The following TMEM132C variants were observed in gnomAD, a reference collection of about 807,000 sequenced individuals.
The protein encoded by TMEM132C is transmembrane protein 132C.
In TMEM132C, 29 loss-of-function variants were observed where a neutral mutation model predicts 61.4. The ratio of observed to expected loss-of-function variants is 0.47; its 90% CI spans 0.35 to 0.64. TMEM132C has a LOEUF of 0.64. TMEM132C is among the 30% of genes least tolerant of loss of function. TMEM132C has a pLI of 0.00. For missense variants in TMEM132C, 1,408 were observed against 1,476.9 expected, an observed-to-expected ratio of 0.95 and a Z score of 0.76; for synonymous variants, 656 against 633.1, an observed-to-expected ratio of 1.04 and a Z score of -0.54.
chr12:128,622,119 G>T (rs964854781), intron 4 of TMEM132C, among the ~76,000 whole-genome samples: 3 of 151,686 alleles, frequency 2.0e-5, no homozygotes, highest in African/African-American at 7.3e-5. Context: ...TGAGGTGGGC[G>T]AATCAACTGA....
intron 1 of TMEM132C, among the ~76,000 whole-genome samples, chr12:128,271,267 TATAATAATAATAATAATAATA>T (rs72149112): frequency 1.3e-4 from 19 of 143,036 alleles, no homozygotes; most frequent in African/African-American, 4.3e-4. Flanking sequence ...ATAATAATAA[TATAATAATAATAATAATAATA>T]ATAATAATAA....
chr12:128,360,049 C>G (rs1025882602), intron 1 of TMEM132C, among the ~76,000 whole-genome samples: 1 of 152,004 alleles, frequency 6.6e-6, no homozygotes, highest in Non-Finnish European at 1.5e-5. Flanking sequence ...GAGGTTGTGC[C>G]TGCATTTTGT....
At chr12:128,364,236 C>T (rs1367929854) in intron 1 of TMEM132C, among the ~76,000 whole-genome samples, 2 of 149,870 alleles carry the variant, frequency 1.3e-5, no homozygotes, top group Admixed American at 1.3e-4. Context: ...TTTCTTCCTC[C>T]TTCTCCTCCT....
chr12:128,440,295 G>C (rs1029603668), intron 2 of TMEM132C, among the ~76,000 whole-genome samples: 1 of 152,196 alleles, frequency 6.6e-6, no homozygotes, highest in Non-Finnish European at 1.5e-5. Context: ...TGCTCTTTTA[G>C]TTGTAGTTCT....
At chr12:128,647,300 A>G (rs947489076) in intron 4 of TMEM132C, among the ~76,000 whole-genome samples, 23 of 150,960 alleles carry the variant, frequency 1.5e-4, no homozygotes, top group Non-Finnish European at 2.8e-4. Flanking sequence ...GGAGCCCATC[A>G]GCATTGGATG....
chr12:128,653,953 G>GTGACACCAGCCCTTTCTACTCTGCTGTGT (rs1433794839), intron 4 of TMEM132C, among the ~76,000 whole-genome samples: 1 of 152,172 alleles, frequency 6.6e-6, no homozygotes, highest in Non-Finnish European at 1.5e-5. Context: ...CCCTCCTGTG[G>GTGACACCAGCCCTTTCTACTCTGCTGTGT]TGACACCAGC....
intron 2 of TMEM132C, among the ~76,000 whole-genome samples, chr12:128,532,266 A>G (rs1412014035): frequency 6.6e-6 from 1 of 152,160 alleles, no homozygotes; most frequent in African/African-American, 2.4e-5. Flanking sequence ...ATGAGGAGCT[A>G]TGTATGACTA....
intron 3 of TMEM132C, among the ~76,000 whole-genome samples, chr12:128,573,103 T>C (rs527608956): frequency 6.9e-4 from 105 of 152,342 alleles, no homozygotes; most frequent in Non-Finnish European, 1.1e-3. Flanking sequence ...CATTACTGGG[T>C]ATATACCCAA....
chr12:128,525,195 G>T lies in TMEM132C; in HGVS notation c.975-18762G>T, dbSNP rs181197378. Among the ~76,000 whole-genome samples, 648 of 152,296 alleles carry T rather than the reference G, an allele frequency of 4.3e-3. 5 individuals carry two copies. Among genetic ancestry groups the T allele is most frequent in the African/African-American group, 0.015 (610 of 41,576 alleles). On this transcript the variant is annotated intron_variant, in intron 2 of 8. Transcript: ENST00000435159. ...GATTGGTCTAATTCCAATCTGTTGT[G>T]ATAGGCAAGGCCTTTCCAAGCACTC...
rs1469134195 is a variant in TMEM132C, at chr12:128,630,269, C to T, written c.1305+13934C>T. On this transcript the variant is annotated intron_variant, in intron 4 of 8. Transcript: ENST00000435159. This position sits in a 1 kb window ranked among gnomAD's most constrained non-coding sequence, Gnocchi z 4.3. ...CCTGGGTCCAGGGTTGCCACACTGACGGCCCATGAGGGTCACTAGGGGGCA... is the reference window on the plus strand; with the variant it reads ...CCTGGGTCCAGGGTTGCCACACTGATGGCCCATGAGGGTCACTAGGGGGCA... Among the ~76,000 whole-genome samples the T allele has an allele frequency of 2.6e-5, 4 of 152,148 alleles. No individual in the cohort carries two copies. Among genetic ancestry groups the T allele is most frequent in the South Asian group, 2.1e-4 (1 of 4,834 alleles).
chr12:128,396,226 A>G (rs762483112), intron 1 of TMEM132C, among the ~76,000 whole-genome samples: 10 of 152,200 alleles, frequency 6.6e-5, no homozygotes, highest in East Asian at 1.9e-4. Context: ...TTTTCACCCA[A>G]TAACACTTCT....
chr12:128,662,222 G>A (rs1954398488), intron 4 of TMEM132C, among the ~76,000 whole-genome samples: 3 of 152,146 alleles, frequency 2.0e-5, no homozygotes, highest in Admixed American at 1.3e-4. Flanking sequence ...AATTTTCAGA[G>A]AGAAAGAGAG....
At chr12:128,527,368 A>G (rs1458185) in intron 2 of TMEM132C, among the ~76,000 whole-genome samples, 145,897 of 152,260 alleles carry the variant, frequency 0.96, 70,200 homozygotes, top group East Asian at 1. Flanking sequence ...GGGGAAAGCA[A>G]CACTAGTGAG....
intron 3 of TMEM132C, among the ~76,000 whole-genome samples, chr12:128,603,441 G>A (rs972953100): frequency 2.0e-5 from 3 of 152,152 alleles, no homozygotes; most frequent in African/African-American, 7.2e-5. Flanking sequence ...CAGGAAACTG[G>A]CTCAAAGTGA....
intron 2 of TMEM132C, among the ~76,000 whole-genome samples, chr12:128,431,736 T>A (rs902325820): frequency 2.0e-5 from 3 of 151,970 alleles, no homozygotes; most frequent in Admixed American, 6.6e-5. Context: ...TCTGTATTTT[T>A]ATTAGAGACG....
chr12:128,627,562 C>T (rs1593125754), intron 4 of TMEM132C, among the ~76,000 whole-genome samples: 1 of 152,262 alleles, frequency 6.6e-6, no homozygotes, highest in Non-Finnish European at 1.5e-5. Context: ...CTGGTGAGTG[C>T]CACTCTAGGG....
chr12:128,699,006 G>C (rs965985321), intron 8 of TMEM132C, among the ~76,000 whole-genome samples: 1 of 152,194 alleles, frequency 6.6e-6, no homozygotes, highest in Non-Finnish European at 1.5e-5. Context: ...AAGTCTAGGG[G>C]CTTGTGTTCT....
In TMEM132C at chr12:128,574,577, C is replaced by G. The variant is rs186030661; in HGVS notation, c.1121+30474C>G. On this transcript the variant is annotated intron_variant, in intron 3 of 8. Coordinates refer to ENST00000435159, the MANE Select transcript of TMEM132C (RefSeq NM_001136103.3). Reference sequence around the variant, plus strand: ...GCATGCTGTCACTCTGTTTCTTTGGCCAAGTTCAATTGTCCTTCCCAGTGG... The same window carrying G: ...GCATGCTGTCACTCTGTTTCTTTGGGCAAGTTCAATTGTCCTTCCCAGTGG... Among the ~76,000 whole-genome samples, 414 of 152,336 alleles carry G rather than the reference C, an allele frequency of 2.7e-3. 1 individual carries two copies. The highest frequency in any genetic ancestry group is 4.8e-3 in the Admixed American group (73 of 15,302).
At chr12:128,694,168 AC>A in intron 6 of TMEM132C, 134 bp downstream of exon 6, 1 of 1,111,318 alleles carries the variant, frequency 9.0e-7, no homozygotes, top group Non-Finnish European at 1.3e-6. Flanking sequence ...CTCCCAGATA[AC>A]CCAGCCAGGC....
Sources: allele counts gnomAD v4.1 joint callset (sites outside exome capture counted in the v4.1 genomes callset), GRCh38; gene constraint gnomAD v4.1.1; non-coding constraint Gnocchi (gnomAD v3.1); transcripts MANE v1.5; gene names NCBI Gene and HGNC (gene_info 2026-07-23, HGNC 2026-07-21).